The following GPHN variants were observed in gnomAD, a reference collection of about 807,000 sequenced individuals.
GPHN encodes the protein gephyrin.
A neutral mutation model predicts 95.5 loss-of-function variants in GPHN; 17 were observed. The ratio of observed to expected loss-of-function variants is 0.18; its 90% CI spans 0.12 to 0.27. The LOEUF is 0.27. Ranked by LOEUF, GPHN falls within the 10% of genes least tolerant of loss-of-function variation. The pLI is 1.00. For missense variants in GPHN, 660 were observed against 978.1 expected (o/e 0.67, Z 4.34); for synonymous variants, 320 against 322.5 (o/e 0.99, Z 0.08).
chr14:67,162,841 C>T (rs1595445348), intron 19 of GPHN, among the ~76,000 whole-genome samples: 1 of 152,162 alleles, frequency 6.6e-6, no homozygotes, highest in East Asian at 1.9e-4. Context: ...GTTAGAACAA[C>T]CTTGGTTCAA....
At chr14:66,988,249 G>A (rs1368554205) in intron 9 of GPHN, among the ~76,000 whole-genome samples, 1 of 152,002 alleles carries the variant, frequency 6.6e-6, no homozygotes, top group Non-Finnish European at 1.5e-5. Flanking sequence ...TTTGGCCCCA[G>A]TGCAAAATAA....
the GPHN span, among the ~76,000 whole-genome samples, chr14:67,651,948 GGAGCTTA>G: frequency 6.6e-6 from 1 of 152,156 alleles, no homozygotes; most frequent in East Asian, 1.9e-4. Context: ...AGGTAGTATA[GGAGCTTA>G]AAAATTTTCC....
chr14:67,379,064 C>T, the GPHN span, among the ~76,000 whole-genome samples: 2 of 152,264 alleles, frequency 1.3e-5, no homozygotes, highest in African/African-American at 4.8e-5. Context: ...CCATATTAAT[C>T]TCTATATAGT....
At chr14:67,163,897 C>T (rs1018656589) in intron 19 of GPHN, among the ~76,000 whole-genome samples, 33 of 151,952 alleles carry the variant, frequency 2.2e-4, no homozygotes, top group African/African-American at 7.7e-4. Context: ...ATGCCACTCA[C>T]TCCTTCCACC....
the GPHN span, among the ~76,000 whole-genome samples, chr14:67,259,461 A>G: frequency 6.6e-6 from 1 of 151,906 alleles, no homozygotes; most frequent in Non-Finnish European, 1.5e-5. Context: ...AAATATAAAA[A>G]ATCAGCCGGG....
intron 8 of GPHN, among the ~76,000 whole-genome samples, chr14:66,935,352 C>T (rs1226274531): frequency 2.0e-5 from 3 of 151,626 alleles, no homozygotes; most frequent in East Asian, 3.9e-4. Flanking sequence ...TACTGATTGC[C>T]CTGGGAAGAA....
At chr14:66,681,809 T>C (rs1445109614) in intron 2 of GPHN, among the ~76,000 whole-genome samples, 3 of 152,168 alleles carry the variant, frequency 2.0e-5, no homozygotes, top group Non-Finnish European at 4.4e-5. Context: ...ATATGCATAC[T>C]ATCTATGAAC....
At chr14:66,610,566 C>T (rs2062737012) in intron 1 of GPHN, among the ~76,000 whole-genome samples, 2 of 152,078 alleles carry the variant, frequency 1.3e-5, no homozygotes, top group Admixed American at 1.3e-4. Flanking sequence ...CCTCTCAAAT[C>T]CTTCTTCAAG....
chr14:67,071,790 AT>A (rs554508389), intron 11 of GPHN, among the ~76,000 whole-genome samples: 216 of 152,208 alleles, frequency 1.4e-3, no homozygotes, highest in Non-Finnish European at 2.1e-3. Context: ...CTTAAAAAAA[AT>A]AAAGTATATT....
At chr14:66,800,326 C>A (rs2060300987) in intron 3 of GPHN, among the ~76,000 whole-genome samples, 1 of 152,008 alleles carries the variant, frequency 6.6e-6, no homozygotes, top group Non-Finnish European at 1.5e-5. Context: ...TGATTACTTA[C>A]TGCTTTTTTT....
At chr14:67,183,674 C>G (rs577376137), downstream of GPHN, among the ~76,000 whole-genome samples, 1 of 149,392 alleles carries the variant, frequency 6.7e-6, no homozygotes, top group African/African-American at 2.5e-5. Flanking sequence ...AGCAATTCTC[C>G]TGCCTCAGCC....
chr14:66,531,482 A>G (rs1044801656), intron 1 of GPHN, among the ~76,000 whole-genome samples: 1 of 152,208 alleles, frequency 6.6e-6, no homozygotes, highest in African/African-American at 2.4e-5. Flanking sequence ...ACAATGAAAC[A>G]TTCATTTCTG....
At chr14:67,255,683 A>G in the GPHN span, among the ~76,000 whole-genome samples, 1 of 152,046 alleles carries the variant, frequency 6.6e-6, no homozygotes, top group South Asian at 2.1e-4. Context: ...TGTTCCTGCT[A>G]TTTTGTTTTG....
At chr14:67,125,381 A>G (rs1045054016) in intron 17 of GPHN, among the ~76,000 whole-genome samples, 1 of 152,186 alleles carries the variant, frequency 6.6e-6, no homozygotes, top group Non-Finnish European at 1.5e-5. Context: ...GAAAGCAAAT[A>G]TTGTCACACA....
the GPHN span, among the ~76,000 whole-genome samples, chr14:67,508,535 C>T: frequency 1.3e-5 from 2 of 152,004 alleles, no homozygotes; most frequent in African/African-American, 2.4e-5. Context: ...GGGGTCAGCT[C>T]ACCTTCCTTG....
chr14:67,168,243 G>T (rs185555117), intron 20 of GPHN, among the ~76,000 whole-genome samples: 42 of 152,158 alleles, frequency 2.8e-4, no homozygotes, highest in African/African-American at 8.0e-4. Context: ...GCAGACTCCT[G>T]GTGTCTCTTC....
the GPHN span, among the ~76,000 whole-genome samples, chr14:67,291,383 G>A: frequency 6.6e-6 from 1 of 151,918 alleles, no homozygotes; most frequent in Non-Finnish European, 1.5e-5. Context: ...GCCTGCCACT[G>A]TGCAGGGTTC....
At chr14:67,373,541 C>A in the GPHN span, among the ~76,000 whole-genome samples, 9 of 152,184 alleles carry the variant, frequency 5.9e-5, no homozygotes, top group Non-Finnish European at 1.0e-4. Flanking sequence ...GACATGCTGT[C>A]CTCCAGTATT....
intron 2 of GPHN, among the ~76,000 whole-genome samples, chr14:66,714,644 G>A (rs1046634793): frequency 6.6e-6 from 1 of 152,140 alleles, no homozygotes; most frequent in Non-Finnish European, 1.5e-5. Context: ...ACATTGAGGT[G>A]TGTCCCTTGT....
Sources: gnomAD v4.1 joint callset for allele counts (sites outside exome capture counted in the v4.1 genomes callset) on GRCh38, gnomAD v4.1.1 for gene constraint, MANE v1.5 for transcripts, NCBI Gene and HGNC (gene_info 2026-07-23, HGNC 2026-07-21) for gene names.